The following FSTL4 variants were observed in gnomAD, a reference collection of about 807,000 sequenced individuals.
The protein encoded by FSTL4 is follistatin like 4.
Under a neutral mutation model 78.2 loss-of-function variants are expected in FSTL4, and 28 were observed. The ratio of observed to expected loss-of-function variants is 0.36; its 90% CI spans 0.27 to 0.49. The LOEUF is 0.49. Among genes scored for constraint, FSTL4 ranks in the 20% least tolerant of loss-of-function variants. The pLI, the probability that FSTL4 is intolerant of heterozygous loss-of-function variation, is 0.98. For synonymous variants in FSTL4, 422 were observed against 440.5 expected, an observed-to-expected ratio of 0.96 and a Z score of 0.53; for missense variants, 922 against 1,084.9, an observed-to-expected ratio of 0.85 and a Z score of 2.11.
At chr5:133,607,231 A>T (rs905736276) in intron 1 of FSTL4, among the ~76,000 whole-genome samples, 1 of 152,226 alleles carries the variant, frequency 6.6e-6, no homozygotes, top group East Asian at 1.9e-4. Context: ...ACAATTCATT[A>T]TATCTACAGC....
chr5:133,225,418 G>T lies in FSTL4; in HGVS notation c.1178-134C>A. On this transcript the variant is annotated intron_variant, in intron 9 of 15. Coordinates refer to ENST00000265342, the MANE Select transcript of FSTL4 (RefSeq NM_015082.2). The surrounding 1 kb of genome is among the most constrained non-coding windows in gnomAD (Gnocchi z 4.6). ...AGCCCTGATTATACGCCCAGGAAGG[G>T]CTGGCACATCTGAAATGCACTGAGG... 1.8e-6 allele frequency: 2 copies of T among 1,085,672 alleles called. No homozygotes were observed. The highest frequency in any genetic ancestry group is 2.7e-6 in the Non-Finnish European group (2 of 744,096). 67.3% of individuals were successfully genotyped at this position (1,085,672 alleles called of 1,614,324 possible). A position where few individuals can be genotyped will look rare whatever the true frequency, so the allele number is the denominator to read the frequency against.
At chr5:133,362,176 G>C (rs1446076241) in intron 4 of FSTL4, among the ~76,000 whole-genome samples, 2 of 152,162 alleles carry the variant, frequency 1.3e-5, no homozygotes, top group African/African-American at 4.8e-5. Context: ...ATTTGTAGAG[G>C]CTGCCTTCAT....
the FSTL4 span, among the ~76,000 whole-genome samples, chr5:133,690,890 C>G: frequency 6.6e-6 from 1 of 152,186 alleles, no homozygotes; most frequent in African/African-American, 2.4e-5. Context: ...AAAGAACAAG[C>G]CCTCCTTTGC....
chr5:133,659,350 T>C, the FSTL4 span, among the ~76,000 whole-genome samples: 1 of 152,110 alleles, frequency 6.6e-6, no homozygotes, highest in Non-Finnish European at 1.5e-5. Context: ...TATAGCATCC[T>C]CATTTTCCCT....
chr5:133,309,975 T>C (rs1281256515), intron 6 of FSTL4, among the ~76,000 whole-genome samples: 1 of 152,266 alleles, frequency 6.6e-6, no homozygotes, highest in African/African-American at 2.4e-5. Flanking sequence ...GAGATTTCTT[T>C]AATGCCCATC....
chr5:133,825,431 T>A, the FSTL4 span, among the ~76,000 whole-genome samples: 1 of 152,272 alleles, frequency 6.6e-6, no homozygotes, highest in Non-Finnish European at 1.5e-5. Flanking sequence ...TTGCAATTCC[T>A]CTGCCTCTGC....
the FSTL4 span, among the ~76,000 whole-genome samples, chr5:133,806,426 T>C: frequency 0.047 from 7,155 of 152,274 alleles, 198 homozygotes; most frequent in East Asian, 0.1. Flanking sequence ...GCAAATGAAA[T>C]AGTCATTTTT....
chr5:133,753,891 T>G, the FSTL4 span, among the ~76,000 whole-genome samples: 1 of 152,122 alleles, frequency 6.6e-6, no homozygotes, highest in African/African-American at 2.4e-5. Context: ...TAAGCCTAGG[T>G]TCAAGTCCCA....
At chr5:133,678,775 T>A in the FSTL4 span, among the ~76,000 whole-genome samples, 3 of 152,098 alleles carry the variant, frequency 2.0e-5, no homozygotes, top group South Asian at 6.3e-4. Context: ...TAAGATTACC[T>A]AGGGAAGGGA....
chr5:133,202,110 A>G, intron 14 of FSTL4, 68 bp from the exon 15 acceptor site: 2 of 986,506 alleles, frequency 2.0e-6, no homozygotes, highest in Non-Finnish European at 3.1e-6. Context: ...AGACACCTGT[A>G]CGCTCAGGTG....
intron 3 of FSTL4, among the ~76,000 whole-genome samples, chr5:133,423,129 C>T (rs150926102): frequency 6.6e-6 from 1 of 152,352 alleles, no homozygotes; most frequent in African/African-American, 2.4e-5. Context: ...CCTGGTATTT[C>T]TGTCACAACA....
chr5:133,452,392 G>GA (rs1757402209), intron 3 of FSTL4, among the ~76,000 whole-genome samples: 1 of 152,246 alleles, frequency 6.6e-6, no homozygotes, highest in South Asian at 2.1e-4. Flanking sequence ...GGAAAACAAT[G>GA]CAGGAATTCT....
the FSTL4 span, among the ~76,000 whole-genome samples, chr5:133,740,933 C>CTGGATGGATGGATGGA: frequency 6.7e-6 from 1 of 148,852 alleles, no homozygotes; most frequent in Non-Finnish European, 1.5e-5. Context: ...AAGTCAGCCT[C>CTGGATGGATGGATGGA]TGGATGGATG....
At chr5:133,834,861 G>T in the FSTL4 span, among the ~76,000 whole-genome samples, 11 of 151,718 alleles carry the variant, frequency 7.3e-5, no homozygotes, top group Non-Finnish European at 1.6e-4. Context: ...ATATCTTTAT[G>T]ATATATATTA....
chr5:133,434,892 G>A (rs528461939), intron 3 of FSTL4, among the ~76,000 whole-genome samples: 1 of 152,114 alleles, frequency 6.6e-6, no homozygotes, highest in Non-Finnish European at 1.5e-5. Flanking sequence ...ATAATGATGT[G>A]TATTTGGTGG....
chr5:133,786,342 A>G, the FSTL4 span, among the ~76,000 whole-genome samples: 1 of 152,178 alleles, frequency 6.6e-6, no homozygotes, highest in Non-Finnish European at 1.5e-5. Flanking sequence ...AGGCCAGATC[A>G]CTTTATAATC....
chr5:133,656,886 C>G, the FSTL4 span, among the ~76,000 whole-genome samples: 99 of 152,244 alleles, frequency 6.5e-4, no homozygotes, highest in African/African-American at 2.3e-3. Flanking sequence ...GTGACGGATA[C>G]GTTGACTTGC....
At chr5:133,567,096 C>T in intron 3 of FSTL4, 90 bp downstream of exon 3, 3 of 920,348 alleles carry the variant, frequency 3.3e-6, no homozygotes, top group East Asian at 4.8e-5. Context: ...GAATGAGCTG[C>T]CCACAGTCTG....
At chr5:133,606,458 T>G (rs1760980369) in intron 1 of FSTL4, among the ~76,000 whole-genome samples, 1 of 152,128 alleles carries the variant, frequency 6.6e-6, no homozygotes, top group East Asian at 1.9e-4. Context: ...ACAAGGTAAC[T>G]CCCTATTCTC....
Sources: allele counts gnomAD v4.1 joint callset (sites outside exome capture counted in the v4.1 genomes callset), GRCh38; gene constraint gnomAD v4.1.1; non-coding constraint Gnocchi (gnomAD v3.1); transcripts MANE v1.5; gene names NCBI Gene and HGNC (gene_info 2026-07-23, HGNC 2026-07-21).